Variants in KLF8 observed in about 807,000 individuals in gnomAD.
The protein encoded by KLF8 is KLF transcription factor 8.
In KLF8, 10 loss-of-function variants were observed where a neutral mutation model predicts 18.2. The ratio of observed to expected loss-of-function variants is 0.55; its 90% confidence interval spans 0.34 to 0.93. The LOEUF (loss-of-function observed/expected upper bound fraction) is 0.93, where lower values mean the gene tolerates loss of function less well. KLF8 is among the 40% of genes least tolerant of loss of function. KLF8 has a pLI of 0.02. For synonymous variants in KLF8, 109 were observed against 97.3 expected (o/e 1.12, Z -0.71); for missense variants, 264 against 277.9 (o/e 0.95, Z 0.36).
chrX:55,954,563 A>T, the KLF8 span, among the ~76,000 whole-genome samples: 2 of 112,135 alleles, frequency 1.8e-5, no homozygotes, highest in South Asian at 7.3e-4. Context: ...TGGAGAAATC[A>T]GTACCTTCAA....
chrX:55,967,383 A>G, the KLF8 span, among the ~76,000 whole-genome samples: 2 of 111,542 alleles, frequency 1.8e-5, no homozygotes, highest in Admixed American at 1.9e-4. Flanking sequence ...GAAACAAATA[A>G]TATACAGTAA....
chrX:56,046,647 G>T, the KLF8 span, among the ~76,000 whole-genome samples: 1 of 109,393 alleles, frequency 9.1e-6, no homozygotes, highest in South Asian at 3.8e-4. Flanking sequence ...ATGAAGCTTT[G>T]TTTCACTGGA....
chrX:56,082,990 A>G, the KLF8 span, among the ~76,000 whole-genome samples: 1 of 112,172 alleles, frequency 8.9e-6, no homozygotes, highest in Admixed American at 9.5e-5. Context: ...CACTTTGAAT[A>G]TAATGTGCCT....
At chrX:55,973,117 T>C in the KLF8 span, among the ~76,000 whole-genome samples, 2 of 111,784 alleles carry the variant, frequency 1.8e-5, no homozygotes, top group Non-Finnish European at 1.9e-5. Context: ...TGAATAACCT[T>C]TTCAAGTAGT....
chrX:56,177,795 GA>G, the KLF8 span, among the ~76,000 whole-genome samples: 1 of 111,518 alleles, frequency 9.0e-6, no homozygotes, highest in Non-Finnish European at 1.9e-5. Context: ...TCAAGCCTCA[GA>G]AATGGGGTCA....
At chrX:56,203,305 C>G in the KLF8 span, among the ~76,000 whole-genome samples, 2 of 111,812 alleles carry the variant, frequency 1.8e-5, 1 homozygote, top group Middle Eastern at 9.2e-3. Flanking sequence ...GTTTGAGCTC[C>G]ATATACATTC....
chrX:56,284,232 C>G lies in KLF8; in HGVS notation c.899-81C>G, dbSNP rs762894254. 5.2e-6 allele frequency: 4 copies of G among 775,307 alleles called. No homozygotes were observed. The African/African-American group carries it at 8.6e-5, about 17-fold the overall frequency. 63.9% of individuals were successfully genotyped at this position (775,307 alleles called of 1,213,427 possible). On this transcript the variant is annotated intron_variant, in intron 5 of 5. Transcript: ENST00000468660. ...TAGCCTTTTCACTAAAGCCTTGATA[C>G]GAGTTATGTATTCTATTATCTTTCT...
chrX:55,981,125 G>A, the KLF8 span, among the ~76,000 whole-genome samples: 7 of 112,006 alleles, frequency 6.2e-5, no homozygotes, highest in African/African-American at 9.7e-5. Context: ...CCCGGGAGGC[G>A]GAGGTTGCAG....
chrX:56,019,707 A>C, the KLF8 span, among the ~76,000 whole-genome samples: 1 of 112,132 alleles, frequency 8.9e-6, no homozygotes, highest in Non-Finnish European at 1.9e-5. Flanking sequence ...AGTAGACTTT[A>C]ATGGTGTTTG....
the KLF8 span, among the ~76,000 whole-genome samples, chrX:55,923,780 G>GTA: frequency 1.4e-4 from 15 of 108,259 alleles, no homozygotes; most frequent in East Asian, 8.6e-4. Context: ...TTGTGTGTAT[G>GTA]TATATATATA....
the KLF8 span, among the ~76,000 whole-genome samples, chrX:56,051,174 G>C: frequency 9.0e-6 from 1 of 111,418 alleles, no homozygotes; most frequent in African/African-American, 3.3e-5. Context: ...CTGTACGTGA[G>C]ATGGGTTTCC....
the KLF8 span, among the ~76,000 whole-genome samples, chrX:56,049,189 A>G: frequency 9.0e-6 from 1 of 111,383 alleles, no homozygotes; most frequent in African/African-American, 3.3e-5. Flanking sequence ...GGTTTTCTAG[A>G]TATATAATCA....
the KLF8 span, among the ~76,000 whole-genome samples, chrX:56,060,615 G>A: frequency 7.2e-5 from 8 of 111,765 alleles, no homozygotes; most frequent in Admixed American, 1.9e-4. Flanking sequence ...TTTTTACATC[G>A]ATGTTCATCA....
the KLF8 span, among the ~76,000 whole-genome samples, chrX:56,058,318 A>G: frequency 1.3e-5 from 1 of 77,777 alleles, no homozygotes; most frequent in Non-Finnish European, 2.4e-5. Context: ...ATATATATAT[A>G]TATAGTGAGT....
the KLF8 span, among the ~76,000 whole-genome samples, chrX:56,052,895 A>T: frequency 9.0e-6 from 1 of 110,902 alleles, no homozygotes; most frequent in Non-Finnish European, 1.9e-5. Context: ...TTGATGTCAG[A>T]CTGCTGTGCT....
chrX:56,063,788 C>G, the KLF8 span, among the ~76,000 whole-genome samples: 18 of 111,014 alleles, frequency 1.6e-4, no homozygotes, highest in African/African-American at 5.6e-4. Context: ...CTGTCTCAGG[C>G]AGATGGGAGT....
chrX:56,239,995 CTT>C (rs2066523412), intron 1 of KLF8, among the ~76,000 whole-genome samples: 2 of 112,151 alleles, frequency 1.8e-5, no homozygotes, highest in East Asian at 5.6e-4. Flanking sequence ...TATTCCATCT[CTT>C]GTTTCTTCCT....
At chrX:56,002,415 GTA>G in the KLF8 span, among the ~76,000 whole-genome samples, 93 of 38,419 alleles carry the variant, frequency 2.4e-3, no homozygotes, top group African/African-American at 0.016. Flanking sequence ...CAATTTGTGT[GTA>G]TGTGTGTGTG....
the KLF8 span, among the ~76,000 whole-genome samples, chrX:56,131,060 C>A: frequency 9.0e-6 from 1 of 111,383 alleles, no homozygotes; most frequent in Non-Finnish European, 1.9e-5. Context: ...GTTAGGAAAA[C>A]ATATTTGAAG....
Sources: gnomAD v4.1 joint callset for allele counts (sites outside exome capture counted in the v4.1 genomes callset) on GRCh38, gnomAD v4.1.1 for gene constraint, MANE v1.5 for transcripts, NCBI Gene and HGNC (gene_info 2026-07-23, HGNC 2026-07-21) for gene names.